The following GREB1L variants were observed in gnomAD, a reference collection of about 807,000 sequenced individuals.
GREB1L encodes GREB1-like protein.
In GREB1L, 17 loss-of-function variants were observed where a neutral mutation model predicts 200.8. The ratio of observed to expected loss-of-function variants is 0.08; its 90% CI spans 0.06 to 0.13. The LOEUF (loss-of-function observed/expected upper bound fraction) is 0.13, where lower values mean the gene tolerates loss of function less well. GREB1L is among the 10% of genes least tolerant of loss of function. The pLI is 1.00. For missense variants in GREB1L, 1,657 were observed against 2,367.7 expected, an observed-to-expected ratio of 0.70 and a Z score of 6.23; for synonymous variants, 789 against 893.0, an observed-to-expected ratio of 0.88 and a Z score of 2.08.
intron 27 of GREB1L, chr18:21,508,818 A>C (rs375696355): frequency 9.3e-5 from 52 of 558,538 alleles, no homozygotes; most frequent in Admixed American, 5.5e-4. Context: ...CTGGTAATTA[A>C]GGAAGAAGTC....
In GREB1L at chr18:21,262,790, T is replaced by C. The variant is rs574591627; in HGVS notation, c.-120+20397T>C. ...ATGGCCATGATAAAGCAGTTTTCTCTGGGTTCATTTCTAGTTTGTGTCATG... is the reference window on the plus strand; with the variant it reads ...ATGGCCATGATAAAGCAGTTTTCTCCGGGTTCATTTCTAGTTTGTGTCATG... On this transcript the variant is annotated intron_variant, in intron 1 of 32. Coordinates refer to ENST00000424526, the MANE Select transcript of GREB1L (RefSeq NM_001142966.3). Among the ~76,000 whole-genome samples the C allele has an allele frequency of 2.0e-5, 3 of 152,302 alleles. No individual in the cohort carries two copies. The East Asian group carries it at 5.8e-4, about 29-fold the overall frequency.
At chr18:21,425,645 G>A (rs1334540478) in intron 7 of GREB1L, among the ~76,000 whole-genome samples, 1 of 152,236 alleles carries the variant, frequency 6.6e-6, no homozygotes, top group East Asian at 1.9e-4. Context: ...GGTTAATGAT[G>A]TTGAGCATCT....
At chr18:21,250,318 A>T (rs1302218097) in intron 1 of GREB1L, among the ~76,000 whole-genome samples, 3 of 152,174 alleles carry the variant, frequency 2.0e-5, no homozygotes, top group Admixed American at 6.5e-5. Flanking sequence ...CTTTAGCGTG[A>T]TCTGTCAATT....
intron 1 of GREB1L, among the ~76,000 whole-genome samples, chr18:21,319,443 A>G (rs1217148611): frequency 6.6e-6 from 1 of 152,266 alleles, no homozygotes; most frequent in East Asian, 1.9e-4. Context: ...TTATGCCGGA[A>G]GGCCCTATAC....
chr18:21,471,837 T>C (rs558936546), intron 15 of GREB1L, among the ~76,000 whole-genome samples: 24 of 152,220 alleles, frequency 1.6e-4, no homozygotes, highest in African/African-American at 5.5e-4. Flanking sequence ...CCCAAGCTGG[T>C]CTGGAACTCC....
intron 22 of GREB1L, 61 bp downstream of exon 22, chr18:21,500,367 G>T (rs2036736234): frequency 1.0e-5 from 9 of 869,206 alleles, no homozygotes; most frequent in African/African-American, 1.7e-5. Context: ...TCCTCAAGAA[G>T]TAGAAGCCAG....
At chr18:21,520,107 T>G (rs2037561362) in intron 31 of GREB1L, among the ~76,000 whole-genome samples, 1 of 152,086 alleles carries the variant, frequency 6.6e-6, no homozygotes, top group African/African-American at 2.4e-5. Flanking sequence ...TGGCTAATTT[T>G]TTTTGTATTT....
rs1309378324 is a variant in GREB1L at position 21,499,846 on chromosome 18, C to T, written c.3509C>T (p.Ser1170Phe). Residue 1170 changes from serine to phenylalanine, a missense_variant, in exon 22 of 33, where the codon TCC becomes TTC. Ser to Phe is a radical substitution (Grantham distance 155). Around this residue, in one of 9 missense-constraint regions of GREB1L, gnomAD observed 512 missense variants for 668.3 expected, o/e 0.77. Transcript: ENST00000424526. Reference sequence around the variant, plus strand: ...AGCTTGGGGCTGGATGAAGGGGTCTCCGCCAGCTCAGCTGGAGCCGGAGCC... The same window carrying T: ...AGCTTGGGGCTGGATGAAGGGGTCTTCGCCAGCTCAGCTGGAGCCGGAGCC... ...ATSLGLDEGV[S>F]ASSAGAGAGE... The T allele has an allele frequency of 1.3e-6, 2 of 1,551,464 alleles. No homozygotes were observed. The highest frequency in any genetic ancestry group is 1.7e-4 in the Middle Eastern group (1 of 5,988).
At position 21,387,104 on chromosome 18, in the gene GREB1L, G is replaced by A. The variant is rs191519887; in HGVS notation, c.355+2701G>A. Among the ~76,000 whole-genome samples, 278 of 152,238 alleles carry A rather than the reference G, an allele frequency of 1.8e-3. 1 individual carries two copies. The highest frequency in any genetic ancestry group is 6.1e-3 in the African/African-American group (255 of 41,542). On this transcript the variant is annotated intron_variant, in intron 4 of 32. Coordinates refer to ENST00000424526, the MANE Select transcript of GREB1L (RefSeq NM_001142966.3). ...TTGCTAATTTCTTATGTAAATTATC[G>A]GAGTAGTGTAGGTTCCTACCCTGCT... is the stretch of plus-strand genomic sequence containing the variant.
At chr18:21,288,138 A>C (rs1194701217) in intron 1 of GREB1L, among the ~76,000 whole-genome samples, 1 of 152,070 alleles carries the variant, frequency 6.6e-6, no homozygotes, top group African/African-American at 2.4e-5. Context: ...AGTCAGTATA[A>C]TATTATTACT....
At position 21,470,887 on chromosome 18, in the gene GREB1L, G is replaced by A. The variant is rs188349823; in HGVS notation, c.2183-2144G>A. Among the ~76,000 whole-genome samples the A allele has an allele frequency of 6.2e-4, 94 of 151,972 alleles. 1 individual carries two copies. The East Asian group carries it at 0.017, about 27-fold the overall frequency. On this transcript the variant is annotated intron_variant, in intron 15 of 32. Coordinates refer to ENST00000424526, the MANE Select transcript of GREB1L (RefSeq NM_001142966.3). ...AATAAGTATCTATCACTTTCATTATGAGGAAAAAAAACAAAAATAAAAGCA... is the reference window on the plus strand; with the variant it reads ...AATAAGTATCTATCACTTTCATTATAAGGAAAAAAAACAAAAATAAAAGCA...
Position 21,496,717 on chromosome 18 carries a change from C to CT in GREB1L, c.3391+22dup. 1 of 1,549,282 alleles carries CT rather than the reference C, an allele frequency of 6.5e-7. No homozygotes were observed. The highest frequency in any genetic ancestry group is 2.4e-5 in the East Asian group (1 of 40,886). ...ACCTCGGGTCAGTACTTTCTTTTCT[C>CT]TTTCATGGAGTGAGAGACATGAGTC... On this transcript the variant is annotated intron_variant, in intron 21 of 32. Transcript: ENST00000424526.
At chr18:21,310,679 T>G (rs1408527023) in intron 1 of GREB1L, among the ~76,000 whole-genome samples, 1 of 152,204 alleles carries the variant, frequency 6.6e-6, no homozygotes, top group African/African-American at 2.4e-5. Flanking sequence ...TATATCATAC[T>G]TTGAGAACTA....
At chr18:21,343,901 G>A (rs537491693) in intron 1 of GREB1L, among the ~76,000 whole-genome samples, 1 of 151,956 alleles carries the variant, frequency 6.6e-6, no homozygotes, top group African/African-American at 2.4e-5. Context: ...TCAGCTTCCC[G>A]AGTAGGTGGA....
At chr18:21,440,229 C>T (rs1032554979) in intron 8 of GREB1L, 40 bp from the exon 9 acceptor site, 2 of 1,548,352 alleles carry the variant, frequency 1.3e-6, no homozygotes, top group African/African-American at 2.7e-5. Context: ...TGGCTGAGAA[C>T]AAGACTATCT....
intron 7 of GREB1L, among the ~76,000 whole-genome samples, chr18:21,406,047 C>G (rs2030176289): frequency 7.9e-6 from 1 of 126,628 alleles, no homozygotes; most frequent in African/African-American, 3.5e-5. Context: ...GCAACAGAGC[C>G]AGACCCTGTC....
At chr18:21,496,355 AT>A (rs1267338684) in intron 20 of GREB1L, 98 bp from the exon 21 acceptor site, 2 of 1,345,126 alleles carry the variant, frequency 1.5e-6, no homozygotes, top group Non-Finnish European at 2.0e-6. Flanking sequence ...GAAACCTATG[AT>A]TTTAACTGCT....
At chr18:21,254,474 A>G (rs1192404177) in intron 1 of GREB1L, among the ~76,000 whole-genome samples, 1 of 152,120 alleles carries the variant, frequency 6.6e-6, no homozygotes, top group Non-Finnish European at 1.5e-5. Context: ...AAATGATCAA[A>G]TGTCTTTTAT....
At chr18:21,453,450 A>G (rs1467099883) in intron 14 of GREB1L, among the ~76,000 whole-genome samples, 2 of 152,236 alleles carry the variant, frequency 1.3e-5, no homozygotes, top group African/African-American at 2.4e-5. Flanking sequence ...TTGCAGTTAA[A>G]CTGCCACATG....
Sources: gnomAD v4.1 joint callset for allele counts (sites outside exome capture counted in the v4.1 genomes callset) on GRCh38, gnomAD v4.1.1 for gene constraint, gnomAD v4.1.1 regional missense constraint, MANE v1.5 for transcripts, NCBI Gene and HGNC (gene_info 2026-07-23, HGNC 2026-07-21) for gene names.